Variants in USP20 observed in about 807,000 individuals in gnomAD.
USP20 encodes the protein ubiquitin carboxyl-terminal hydrolase 20.
USP20 carries 80 observed loss-of-function variants against 124.2 expected under a neutral mutation model. The ratio of observed to expected loss-of-function variants is 0.64; its 90% CI spans 0.54 to 0.78. The LOEUF (loss-of-function observed/expected upper bound fraction) is 0.78, where lower values mean the gene tolerates loss of function less well. Among genes scored for constraint, USP20 ranks in the 30% least tolerant of loss-of-function variants. The probability of loss-of-function intolerance (pLI) is 0.00; values close to 1 mark genes in which losing one functional copy is unlikely to be tolerated. For missense variants in USP20, 1,043 were observed against 1,244.4 expected (o/e 0.84, Z 2.44); for synonymous variants, 481 against 512.3 (o/e 0.94, Z 0.83).
At chr9:129,844,662 C>T (rs1181568284) in intron 1 of USP20, among the ~76,000 whole-genome samples, 2 of 147,120 alleles carry the variant, frequency 1.4e-5, no homozygotes, top group Non-Finnish European at 3.0e-5. Context: ...TATATTCGTA[C>T]ATGTAAATAA....
chr9:129,858,632 GT>G (rs749631422), intron 6 of USP20, 34 bp downstream of exon 6: 10 of 1,608,444 alleles, frequency 6.2e-6, no homozygotes, highest in Non-Finnish European at 8.5e-6. Context: ...TTGGTTGTTG[GT>G]GACACTGTGT....
chr9:129,862,725 T>C (rs1429177171), intron 8 of USP20, among the ~76,000 whole-genome samples: 3 of 151,480 alleles, frequency 2.0e-5, no homozygotes, highest in South Asian at 4.2e-4. Flanking sequence ...GGCCAACTAG[T>C]AGAGCCTGTC....
At chr9:129,863,447 G>A (rs371921841) in intron 9 of USP20, 148 bp downstream of exon 9, 12 of 585,604 alleles carry the variant, frequency 2.0e-5, no homozygotes, top group South Asian at 1.4e-4. Context: ...AGCCTGCGGG[G>A]TGGAAATTGC....
At chr9:129,842,655 G>A (rs1244912756) in intron 1 of USP20, among the ~76,000 whole-genome samples, 2 of 150,954 alleles carry the variant, frequency 1.3e-5, no homozygotes. Flanking sequence ...GTGCAATGGC[G>A]TGATCTCGGC....
intron 6 of USP20, among the ~76,000 whole-genome samples, chr9:129,859,537 G>A (rs1199832375): frequency 1.3e-5 from 2 of 151,820 alleles, no homozygotes; most frequent in Non-Finnish European, 2.9e-5. Flanking sequence ...GCCTCCCAAA[G>A]TGCTGGGATT....
chr9:129,863,400 G>C, intron 9 of USP20, 101 bp downstream of exon 9: 1 of 924,292 alleles, frequency 1.1e-6, no homozygotes, highest in Non-Finnish European at 1.6e-6. Context: ...CCCCAGCGAG[G>C]ACTTGCCTCA....
intron 2 of USP20, among the ~76,000 whole-genome samples, chr9:129,851,806 C>CTT (rs112731446): frequency 6.1e-5 from 9 of 148,394 alleles, no homozygotes; most frequent in African/African-American, 1.2e-4. Context: ...AGCAACAGAG[C>CTT]TTTTTTTTTT....
At chr9:129,875,759 G>A (rs2034365791) in intron 21 of USP20, 118 bp downstream of exon 21, 9 of 989,688 alleles carry the variant, frequency 9.1e-6, no homozygotes, top group South Asian at 4.7e-5. Flanking sequence ...TGGCCTCCAC[G>A]TGGGCAGCAC....
At chr9:129,863,688 G>A (rs2033666061) in intron 9 of USP20, among the ~76,000 whole-genome samples, 1 of 152,184 alleles carries the variant, frequency 6.6e-6, no homozygotes, top group Non-Finnish European at 1.5e-5. Flanking sequence ...GGAGCTTCTG[G>A]CACAGTATGA....
In USP20 at chr9:129,879,377, T is replaced by G. The variant is rs1037787612; in HGVS notation, c.2513-196T>G. On this transcript the variant is annotated intron_variant, in intron 23 of 25. Coordinates refer to ENST00000372429, the MANE Select transcript of USP20 (RefSeq NM_001110303.4). The surrounding 1 kb of genome is among the most constrained non-coding windows in gnomAD (Gnocchi z 4.2). ...GGCCAGCACAGAGTCTGAGACCATC[T>G]CGTGTGTCCTGGAAATTCCCTCTGC... is the stretch of plus-strand genomic sequence containing the variant. The G allele has an allele frequency of 1.7e-5, 10 of 592,216 alleles. No individual in the cohort carries two copies. Among genetic ancestry groups the G allele is most frequent in the Non-Finnish European group, 2.7e-5 (9 of 331,914 alleles). 36.7% of individuals were successfully genotyped at this position (592,216 alleles called of 1,614,324 possible). A position where few individuals can be genotyped will look rare whatever the true frequency, so the allele number is the denominator to read the frequency against.
chr9:129,852,417 G>A (rs529408258), intron 2 of USP20, 123 bp from the exon 3 acceptor site: 121 of 746,768 alleles, frequency 1.6e-4, no homozygotes, highest in Admixed American at 1.5e-3. Flanking sequence ...ACTTCCCTGC[G>A]TTACCAGCTG....
intron 13 of USP20, 87 bp downstream of exon 13, chr9:129,869,512 C>T (rs2034009593): frequency 1.3e-6 from 2 of 1,534,860 alleles, no homozygotes; most frequent in East Asian, 4.5e-5. Flanking sequence ...GGTGGGCTCT[C>T]CACGGGTGCT....
intron 2 of USP20, among the ~76,000 whole-genome samples, chr9:129,851,560 C>T (rs539587537): frequency 6.6e-6 from 1 of 151,662 alleles, no homozygotes; most frequent in South Asian, 2.1e-4. Flanking sequence ...ACGTGTAGAT[C>T]CATGTAACCA....
At chr9:129,857,072 C>T (rs767492458) in intron 4 of USP20, among the ~76,000 whole-genome samples, 4 of 151,622 alleles carry the variant, frequency 2.6e-5, no homozygotes, top group Non-Finnish European at 5.9e-5. Flanking sequence ...AAAAAACCCA[C>T]GAGTAAAAAC....
intron 22 of USP20, 91 bp downstream of exon 22, chr9:129,876,329 C>T: frequency 9.0e-7 from 1 of 1,116,382 alleles, no homozygotes; most frequent in Non-Finnish European, 1.3e-6. Context: ...TGTGCAGTCC[C>T]TGAGCAAGTT....
intron 15 of USP20, among the ~76,000 whole-genome samples, chr9:129,870,986 T>C (rs1397925750): frequency 6.6e-6 from 1 of 152,172 alleles, no homozygotes; most frequent in Non-Finnish European, 1.5e-5. Flanking sequence ...TTATTTCCAA[T>C]TTTCAATTGC....
chr9:129,880,840 C>G lies in USP20; in HGVS notation c.*390C>G, dbSNP rs987425052. 8 of 154,066 alleles carry G rather than the reference C, an allele frequency of 5.2e-5. No individual in the cohort carries two copies. The highest frequency in any genetic ancestry group is 1.9e-4 in the African/African-American group (8 of 41,468). The allele number at this position is 154,066 out of a possible 1,614,324, so 9.5% of individuals were successfully genotyped here. ...CCACTGTGCGATTGGCCCGGAGCCC[C>G]GAAGACTCGGAGGGAGCTGCTCAGG... On this transcript the variant is annotated 3_prime_UTR_variant, in exon 26 of 26. Transcript: ENST00000372429.
intron 22 of USP20, 85 bp from the exon 23 acceptor site, chr9:129,878,253 G>C: frequency 9.3e-7 from 1 of 1,076,782 alleles, no homozygotes; most frequent in South Asian, 1.4e-5. Flanking sequence ...GAGGGACTGG[G>C]GCGGGGGCAT....
intron 7 of USP20, 69 bp downstream of exon 7, chr9:129,861,102 GC>G: frequency 7.1e-7 from 1 of 1,415,678 alleles, no homozygotes; most frequent in Non-Finnish European, 1.0e-6. Flanking sequence ...GCTGGAAACC[GC>G]CAGAGTCTTG....
Sources: gnomAD v4.1 joint callset for allele counts (sites outside exome capture counted in the v4.1 genomes callset) on GRCh38, gnomAD v4.1.1 for gene constraint, Gnocchi (gnomAD v3.1) non-coding constraint, MANE v1.5 for transcripts, NCBI Gene and HGNC (gene_info 2026-07-23, HGNC 2026-07-21) for gene names.